Variants in TUNAR observed in about 807,000 individuals in gnomAD.
TUNAR encodes the protein transmembrane neural differentiation associated intracellular calcium regulator.
intron 2 of TUNAR, among the ~76,000 whole-genome samples, chr14:95,882,500 C>T (rs1055643536): frequency 6.6e-6 from 1 of 152,218 alleles, no homozygotes; most frequent in Non-Finnish European, 1.5e-5. Context: ...TGGCTTATGA[C>T]AAGTGCAGAT....
intron 2 of TUNAR, among the ~76,000 whole-genome samples, chr14:95,904,236 G>A (rs200671626): frequency 1.3e-5 from 2 of 152,168 alleles, no homozygotes; most frequent in Non-Finnish European, 2.9e-5. Flanking sequence ...TGGCTCCTGT[G>A]GGGGGGCCTG....
intron 2 of TUNAR, among the ~76,000 whole-genome samples, chr14:95,900,882 C>T (rs966291930): frequency 2.0e-5 from 3 of 152,090 alleles, no homozygotes; most frequent in African/African-American, 4.8e-5. Flanking sequence ...CAAACAGGCT[C>T]GTAAAGGACA....
At chr14:95,890,627 A>G (rs1419400578) in intron 2 of TUNAR, among the ~76,000 whole-genome samples, 2 of 152,162 alleles carry the variant, frequency 1.3e-5, no homozygotes, top group Non-Finnish European at 2.9e-5. Context: ...CTCAAAACCA[A>G]TTCTGGTTTA....
chr14:95,883,277 A>G lies in TUNAR; in HGVS notation c.12+6100A>G, dbSNP rs141593664. Among the ~76,000 whole-genome samples the G allele has an allele frequency of 7.5e-4, 115 of 152,326 alleles. 1 individual carries two copies. In the East Asian group the frequency reaches 0.018, roughly 24 times the overall value. On this transcript the variant is annotated intron_variant, in intron 2 of 2. Coordinates refer to ENST00000678517, the Ensembl canonical transcript of TUNAR. ...TCTACAGCAGGGCTGGTTGTCCTCCAGTCTGCTCGAGGACATCCCTGTGGC... is the reference window on the plus strand; with the variant it reads ...TCTACAGCAGGGCTGGTTGTCCTCCGGTCTGCTCGAGGACATCCCTGTGGC...
chr14:95,922,997 A>T, exon 3 of TUNAR: 1 of 399,068 alleles, frequency 2.5e-6, no homozygotes. Flanking sequence ...AGGCCTCAGA[A>T]TGGCCAAAGA....
chr14:95,910,713 A>G (rs929974559), intron 2 of TUNAR, among the ~76,000 whole-genome samples: 1 of 152,184 alleles, frequency 6.6e-6, no homozygotes, highest in Non-Finnish European at 1.5e-5. Flanking sequence ...TTGTCTGATG[A>G]CAGCCAGGCC....
intron 2 of TUNAR, among the ~76,000 whole-genome samples, chr14:95,893,512 C>T (rs1019777089): frequency 6.6e-6 from 1 of 152,184 alleles, no homozygotes; most frequent in Non-Finnish European, 1.5e-5. Context: ...TCCCTGATTC[C>T]TGAAGCTACC....
intron 2 of TUNAR, among the ~76,000 whole-genome samples, chr14:95,918,257 C>G (rs1314065750): frequency 6.6e-6 from 1 of 152,180 alleles, no homozygotes; most frequent in Non-Finnish European, 1.5e-5. Flanking sequence ...CACTGAGTTG[C>G]AAACATTCCC....
chr14:95,918,256 G>A (rs1889637517), intron 2 of TUNAR, among the ~76,000 whole-genome samples: 1 of 152,168 alleles, frequency 6.6e-6, no homozygotes, highest in South Asian at 2.1e-4. Flanking sequence ...CCACTGAGTT[G>A]CAAACATTCC....
chr14:95,883,144 A>T (rs1889008819), intron 2 of TUNAR, among the ~76,000 whole-genome samples: 1 of 152,218 alleles, frequency 6.6e-6, no homozygotes, highest in Non-Finnish European at 1.5e-5. Context: ...GAAAAGGAGG[A>T]GTGGAAAAAT....
chr14:95,890,766 G>A (rs775017220), intron 2 of TUNAR, among the ~76,000 whole-genome samples: 4 of 152,176 alleles, frequency 2.6e-5, no homozygotes, highest in Admixed American at 6.5e-5. Context: ...TAGAAAACAG[G>A]AAGACCTTAA....
chr14:95,896,840 C>T (rs1304824127), intron 2 of TUNAR, among the ~76,000 whole-genome samples: 2 of 152,234 alleles, frequency 1.3e-5, no homozygotes, highest in Non-Finnish European at 2.9e-5. Context: ...TCCTTGCAGG[C>T]CTGGCTCTGG....
At chr14:95,880,530 C>T (rs1304470297) in intron 2 of TUNAR, among the ~76,000 whole-genome samples, 1 of 152,144 alleles carries the variant, frequency 6.6e-6, no homozygotes, top group East Asian at 1.9e-4. Flanking sequence ...TAATTTGGGT[C>T]AATGGGGTAA....
intron 2 of TUNAR, among the ~76,000 whole-genome samples, chr14:95,901,793 C>A (rs539741182): frequency 6.6e-6 from 1 of 152,276 alleles, no homozygotes; most frequent in African/African-American, 2.4e-5. Flanking sequence ...ATCCTACTTT[C>A]TTCAGTACTT....
chr14:95,913,810 G>A (rs1245659431), intron 2 of TUNAR, among the ~76,000 whole-genome samples: 1 of 152,086 alleles, frequency 6.6e-6, no homozygotes, highest in Non-Finnish European at 1.5e-5. Context: ...TCAGCTCCCT[G>A]CAACCTCCGC....
chr14:95,920,895 G>A (rs58765372), intron 2 of TUNAR, among the ~76,000 whole-genome samples: 3,876 of 152,210 alleles, frequency 0.025, 160 homozygotes, highest in African/African-American at 0.087. Context: ...GAGTTGACTC[G>A]TGATTTTGGA....
At chr14:95,908,491 A>G (rs79331371) in intron 2 of TUNAR, among the ~76,000 whole-genome samples, 3,664 of 152,348 alleles carry the variant, frequency 0.024, 132 homozygotes, top group African/African-American at 0.082. Flanking sequence ...CTGGTCTCTC[A>G]TGACAACTTA....
chr14:95,910,036 T>C (rs1889488368), intron 2 of TUNAR, among the ~76,000 whole-genome samples: 1 of 152,184 alleles, frequency 6.6e-6, no homozygotes, highest in Non-Finnish European at 1.5e-5. Context: ...CTGGGAGTCA[T>C]GTTGGCTGCG....
intron 2 of TUNAR, among the ~76,000 whole-genome samples, chr14:95,898,910 T>C (rs1365520237): frequency 6.6e-6 from 1 of 152,166 alleles, no homozygotes; most frequent in Non-Finnish European, 1.5e-5. Context: ...CTAGCAGCTG[T>C]TGTGAGATTG....
Sources: allele counts gnomAD v4.1 joint callset (sites outside exome capture counted in the v4.1 genomes callset), GRCh38; gene constraint gnomAD v4.1.1; transcripts MANE v1.5; gene names NCBI Gene and HGNC (gene_info 2026-07-23, HGNC 2026-07-21).